Variants in PELI2 observed in about 807,000 individuals in gnomAD.
PELI2 encodes pellino E3 ubiquitin protein ligase family member 2.
PELI2 carries 23 observed loss-of-function variants against 42.3 expected under a neutral mutation model. The ratio of observed to expected loss-of-function variants is 0.54; its 90% CI spans 0.39 to 0.77. PELI2 has a LOEUF of 0.77. PELI2 is among the 30% of genes least tolerant of loss of function. The pLI is 0.00. For synonymous variants in PELI2, 245 were observed against 212.2 expected (o/e 1.15, Z -1.34); for missense variants, 463 against 553.2 (o/e 0.84, Z 1.64).
intron 2 of PELI2, among the ~76,000 whole-genome samples, chr14:56,182,922 T>C (rs1281314767): frequency 2.6e-5 from 4 of 152,272 alleles, no homozygotes; most frequent in Non-Finnish European, 5.9e-5. Flanking sequence ...TGGCAGTGAG[T>C]GGCGTTGATC....
At chr14:56,185,051 T>C (rs1257409715) in intron 2 of PELI2, among the ~76,000 whole-genome samples, 4 of 148,710 alleles carry the variant, frequency 2.7e-5, no homozygotes, top group Non-Finnish European at 4.5e-5. Flanking sequence ...TTTATTTATA[T>C]GGCTATTTTT....
At chr14:56,198,010 A>ACCCCCC (rs1555346656) in intron 2 of PELI2, among the ~76,000 whole-genome samples, 10 of 114,714 alleles carry the variant, frequency 8.7e-5, no homozygotes, top group Admixed American at 5.2e-4. Context: ...ACACACACAC[A>ACCCCCC]CACCCACCTC....
At chr14:56,188,951 G>A (rs1473838085) in intron 2 of PELI2, among the ~76,000 whole-genome samples, 1 of 152,168 alleles carries the variant, frequency 6.6e-6, no homozygotes, top group African/African-American at 2.4e-5. Flanking sequence ...CCTGAGGTCA[G>A]GAGTTCGAGA....
At chr14:56,286,864 A>G (rs142290668) in intron 3 of PELI2, among the ~76,000 whole-genome samples, 10 of 152,330 alleles carry the variant, frequency 6.6e-5, no homozygotes, top group African/African-American at 1.7e-4. Flanking sequence ...CTGATAAGTC[A>G]TGTGTATGAC....
intron 2 of PELI2, among the ~76,000 whole-genome samples, chr14:56,182,182 C>T (rs748969321): frequency 1.3e-5 from 2 of 151,822 alleles, no homozygotes; most frequent in Non-Finnish European, 1.5e-5. Context: ...AAAAGTGGTG[C>T]GAGAGCTGTG....
chr14:56,195,712 CTG>C (rs1005871184), intron 2 of PELI2, among the ~76,000 whole-genome samples: 1 of 152,196 alleles, frequency 6.6e-6, no homozygotes, highest in Non-Finnish European at 1.5e-5. Context: ...CCCACCTTGG[CTG>C]TGTTAGTCCA....
intron 1 of PELI2, among the ~76,000 whole-genome samples, chr14:56,167,113 C>T (rs1394966784): frequency 2.6e-5 from 4 of 152,090 alleles, no homozygotes; most frequent in Non-Finnish European, 5.9e-5. Flanking sequence ...TGTTCTTGAC[C>T]TTTGGGAGTT....
chr14:56,131,104 C>G (rs897746838), intron 1 of PELI2, among the ~76,000 whole-genome samples: 23 of 152,206 alleles, frequency 1.5e-4, no homozygotes, highest in Admixed American at 6.5e-5. Context: ...GTCCATATAG[C>G]TCCTATCTCC....
chr14:56,153,446 T>C (rs1373938498), intron 1 of PELI2, among the ~76,000 whole-genome samples: 4 of 152,146 alleles, frequency 2.6e-5, no homozygotes, highest in Admixed American at 2.0e-4. Flanking sequence ...GAGAAAAGGG[T>C]TTGACATTGC....
At chr14:56,253,606 G>A (rs1888427326) in intron 2 of PELI2, among the ~76,000 whole-genome samples, 1 of 152,116 alleles carries the variant, frequency 6.6e-6, no homozygotes, top group Admixed American at 6.5e-5. Context: ...CACAATTGCT[G>A]CTAAGAGAAT....
chr14:56,154,680 AT>A (rs1222989996), intron 1 of PELI2, among the ~76,000 whole-genome samples: 4 of 152,280 alleles, frequency 2.6e-5, no homozygotes, highest in South Asian at 4.1e-4. Context: ...TCATGTTTAC[AT>A]TTTTTCCCCT....
chr14:56,272,144 A>C (rs750465998), intron 2 of PELI2, among the ~76,000 whole-genome samples: 34 of 152,298 alleles, frequency 2.2e-4, no homozygotes, highest in Non-Finnish European at 3.5e-4. Context: ...AAAAACATTC[A>C]TTTGATTTAG....
chr14:56,204,188 G>A (rs533507357), intron 2 of PELI2, among the ~76,000 whole-genome samples: 1 of 152,316 alleles, frequency 6.6e-6, no homozygotes, highest in South Asian at 2.1e-4. Flanking sequence ...TTATAGAGAT[G>A]ATTAAAGATC....
At chr14:56,121,669 T>C (rs1303849819) in intron 1 of PELI2, among the ~76,000 whole-genome samples, 2 of 152,318 alleles carry the variant, frequency 1.3e-5, no homozygotes, top group East Asian at 3.9e-4. Flanking sequence ...CATTTACAGG[T>C]GGGTGACCTG....
intron 2 of PELI2, among the ~76,000 whole-genome samples, chr14:56,189,590 A>G (rs114710975): frequency 6.6e-6 from 1 of 152,232 alleles, no homozygotes; most frequent in African/African-American, 2.4e-5. Context: ...ACGTGGTAGC[A>G]GTTGATTAAT....
At chr14:56,237,417 C>T (rs1286248062) in intron 2 of PELI2, among the ~76,000 whole-genome samples, 1 of 152,162 alleles carries the variant, frequency 6.6e-6, no homozygotes, top group Non-Finnish European at 1.5e-5. Context: ...CCATTCTACT[C>T]AGACAACTCT....
chr14:56,251,289 A>G (rs1446725071), intron 2 of PELI2, among the ~76,000 whole-genome samples: 1 of 152,176 alleles, frequency 6.6e-6, no homozygotes, highest in Non-Finnish European at 1.5e-5. Flanking sequence ...CACAGATGCA[A>G]TTATCCTCCT....
At chr14:56,223,604 C>T (rs114248206) in intron 2 of PELI2, among the ~76,000 whole-genome samples, 1 of 152,136 alleles carries the variant, frequency 6.6e-6, no homozygotes, top group African/African-American at 2.4e-5. Context: ...AGAGGAAAAT[C>T]TAATTGTAAA....
intron 2 of PELI2, among the ~76,000 whole-genome samples, chr14:56,251,630 A>G (rs1888347591): frequency 6.6e-6 from 1 of 152,088 alleles, no homozygotes. Context: ...TTGATTCCAC[A>G]CCCTGTTTCA....
Sources: gnomAD v4.1 joint callset for allele counts (sites outside exome capture counted in the v4.1 genomes callset) on GRCh38, gnomAD v4.1.1 for gene constraint, MANE v1.5 for transcripts, NCBI Gene and HGNC (gene_info 2026-07-23, HGNC 2026-07-21) for gene names.